Variants in SUGCT observed in about 807,000 individuals in gnomAD.
SUGCT encodes succinyl-CoA:glutarate-CoA transferase.
A neutral mutation model predicts 55.0 loss-of-function variants in SUGCT; 41 were observed. The observed-to-expected ratio is 0.74, with a 90% CI of 0.58 to 0.97. The LOEUF is 0.97. Ranked by LOEUF, SUGCT falls within the 50% of genes least tolerant of loss-of-function variation. The pLI, the probability that SUGCT is intolerant of heterozygous loss-of-function variation, is 0.00. For synonymous variants in SUGCT, 187 were observed against 200.4 expected (o/e 0.93, Z 0.56); for missense variants, 568 against 547.8 (o/e 1.04, Z -0.37).
chr7:40,611,141 G>T (rs1207914117), intron 12 of SUGCT, among the ~76,000 whole-genome samples: 3 of 152,108 alleles, frequency 2.0e-5, no homozygotes, highest in Admixed American at 6.5e-5. Context: ...TTTAGTCAGG[G>T]TGCATCAGAT....
chr7:41,033,342 T>G, the SUGCT span, among the ~76,000 whole-genome samples: 1 of 152,188 alleles, frequency 6.6e-6, no homozygotes, highest in Non-Finnish European at 1.5e-5. Context: ...AGTTCTCTTT[T>G]TTGTCCTTTG....
At chr7:40,511,751 G>A (rs965644044) in intron 12 of SUGCT, among the ~76,000 whole-genome samples, 4 of 152,060 alleles carry the variant, frequency 2.6e-5, no homozygotes, top group Admixed American at 6.5e-5. Context: ...GCGTATAATG[G>A]CAAAGGGGGA....
chr7:40,818,161 A>G (rs1354236326), intron 13 of SUGCT, among the ~76,000 whole-genome samples: 1 of 152,190 alleles, frequency 6.6e-6, no homozygotes, highest in Non-Finnish European at 1.5e-5. Flanking sequence ...TGCAATCAGG[A>G]TATTTTGTTA....
At chr7:40,428,540 G>A in intron 9 of SUGCT, among the ~76,000 whole-genome samples, 1 of 151,836 alleles carries the variant, frequency 6.6e-6, no homozygotes, top group Admixed American at 6.6e-5. Flanking sequence ...GTGTGTGTGT[G>A]TGTGTGTGTG....
chr7:40,711,634 A>G (rs1015407149), intron 12 of SUGCT, among the ~76,000 whole-genome samples: 1 of 152,216 alleles, frequency 6.6e-6, no homozygotes, highest in African/African-American at 2.4e-5. Flanking sequence ...TCCTCCCCAT[A>G]GACCTCCATT....
intron 13 of SUGCT, among the ~76,000 whole-genome samples, chr7:40,824,893 A>G (rs939322011): frequency 1.3e-5 from 2 of 152,244 alleles, no homozygotes; most frequent in African/African-American, 4.8e-5. Flanking sequence ...CAATACCATC[A>G]CAATGGCAAT....
the SUGCT span, among the ~76,000 whole-genome samples, chr7:40,897,739 G>A: frequency 6.6e-6 from 1 of 152,110 alleles, no homozygotes; most frequent in Non-Finnish European, 1.5e-5. Flanking sequence ...GGGTTGAGTG[G>A]GGACTTGGAG....
At chr7:40,908,860 T>C in the SUGCT span, among the ~76,000 whole-genome samples, 4 of 152,192 alleles carry the variant, frequency 2.6e-5, no homozygotes, top group African/African-American at 9.6e-5. Context: ...TACAAAGTAA[T>C]ATGGATTTTA....
At chr7:40,957,316 A>G in the SUGCT span, among the ~76,000 whole-genome samples, 1 of 151,976 alleles carries the variant, frequency 6.6e-6, no homozygotes, top group East Asian at 1.9e-4. Context: ...CTGGGTGCAT[A>G]TATATATTTA....
At chr7:40,276,580 T>C (rs1792495582) in intron 8 of SUGCT, among the ~76,000 whole-genome samples, 1 of 152,186 alleles carries the variant, frequency 6.6e-6, no homozygotes, top group African/African-American at 2.4e-5. Context: ...TTTACTCTAA[T>C]GTATAAAGAG....
intron 12 of SUGCT, among the ~76,000 whole-genome samples, chr7:40,497,325 T>G (rs1452257541): frequency 1.3e-5 from 2 of 152,194 alleles, no homozygotes; most frequent in African/African-American, 2.4e-5. Flanking sequence ...GCCTTTTATC[T>G]TACATGAATA....
At chr7:40,391,736 A>G (rs969823793) in intron 9 of SUGCT, among the ~76,000 whole-genome samples, 12 of 152,196 alleles carry the variant, frequency 7.9e-5, no homozygotes, top group African/African-American at 1.2e-4. Context: ...TGATTCCTCA[A>G]GGATCTCAAA....
At chr7:40,793,249 GTAAA>G (rs918053409) in intron 13 of SUGCT, 1 of 152,072 alleles carries the variant, frequency 6.6e-6, no homozygotes, top group Admixed American at 6.6e-5. Flanking sequence ...CTTTGATGTG[GTAAA>G]TAGTCAGCCA....
At chr7:41,019,894 C>A in the SUGCT span, among the ~76,000 whole-genome samples, 1 of 152,000 alleles carries the variant, frequency 6.6e-6, no homozygotes, top group Non-Finnish European at 1.5e-5. Context: ...AGCAGTAATC[C>A]CCTCTGTCTA....
At chr7:40,428,039 C>T (rs1787678975) in intron 9 of SUGCT, among the ~76,000 whole-genome samples, 1 of 151,990 alleles carries the variant, frequency 6.6e-6, no homozygotes, top group African/African-American at 2.4e-5. Flanking sequence ...TTCTCTTTAT[C>T]TTCCTTTTGC....
chr7:40,749,908 T>C (rs545792286), intron 13 of SUGCT, among the ~76,000 whole-genome samples: 1 of 152,340 alleles, frequency 6.6e-6, no homozygotes, highest in South Asian at 2.1e-4. Context: ...TACTGACTGC[T>C]CAGGCTCGGG....
intron 12 of SUGCT, among the ~76,000 whole-genome samples, chr7:40,664,614 G>A (rs911374349): frequency 1.3e-5 from 2 of 152,168 alleles, no homozygotes; most frequent in Non-Finnish European, 2.9e-5. Flanking sequence ...CTGGGAACAA[G>A]CATCTTCACT....
chr7:40,660,648 A>G lies in SUGCT; in HGVS notation c.1090-88786A>G, dbSNP rs189955210. 3.4e-3 allele frequency among the ~76,000 whole-genome samples: 518 copies of G among 152,186 alleles called. 5 individuals are homozygous for G. Among genetic ancestry groups the G allele is most frequent in the African/African-American group, 0.012 (496 of 41,522 alleles). On this transcript the variant is annotated intron_variant, in intron 12 of 13. Transcript: ENST00000335693. ...ATGATCTGTCTTCCTCTCTGCTACT[A>G]CCTGTTGGAAATTCATTCAGGCGGG...
At chr7:40,324,585 C>A (rs1231193177) in intron 9 of SUGCT, among the ~76,000 whole-genome samples, 1 of 152,050 alleles carries the variant, frequency 6.6e-6, no homozygotes, top group Non-Finnish European at 1.5e-5. Context: ...AAAAAGCCCA[C>A]CAACCTTTCT....
Sources: allele counts gnomAD v4.1 joint callset (sites outside exome capture counted in the v4.1 genomes callset), GRCh38; gene constraint gnomAD v4.1.1; transcripts MANE v1.5; gene names NCBI Gene and HGNC (gene_info 2026-07-23, HGNC 2026-07-21).